The following XPA variants were observed in gnomAD, a reference collection of about 807,000 sequenced individuals.
XPA encodes the protein XPA, DNA damage recognition and repair factor, also known as DNA repair protein complementing XP-A cells.
In XPA, 27 loss-of-function variants were observed where a neutral mutation model predicts 35.7. The observed-to-expected ratio is 0.76, with a 90% CI of 0.56 to 1.04. XPA has a LOEUF of 1.04. Ranked by LOEUF, XPA falls within the 50% of genes least tolerant of loss-of-function variation. The pLI is 0.00. For synonymous variants in XPA, 133 were observed against 118.4 expected, an observed-to-expected ratio of 1.12 and a Z score of -0.80; for missense variants, 354 against 342.7, an observed-to-expected ratio of 1.03 and a Z score of -0.26.
chr9:97,663,217 CT>C, the XPA span, among the ~76,000 whole-genome samples: 1 of 152,090 alleles, frequency 6.6e-6, no homozygotes, highest in South Asian at 2.1e-4. Context: ...TTCATTCATT[CT>C]TGAAAGAGTA....
At chr9:97,684,339 G>T (rs192623971) in intron 5 of XPA, among the ~76,000 whole-genome samples, 231 of 152,314 alleles carry the variant, frequency 1.5e-3, no homozygotes, top group Non-Finnish European at 2.6e-3. Context: ...GCGATAGATG[G>T]ACAAGGGAAT....
chr9:97,656,728 G>T, the XPA span, among the ~76,000 whole-genome samples: 1 of 151,922 alleles, frequency 6.6e-6, no homozygotes, highest in African/African-American at 2.4e-5. Flanking sequence ...GACCCATTAC[G>T]TTGGTTTTCC....
the XPA span, chr9:97,663,093 T>C: frequency 7.0e-7 from 1 of 1,424,776 alleles, no homozygotes; most frequent in Admixed American, 2.0e-5. Flanking sequence ...ATTGTATGGG[T>C]ATAAAAATAA....
the XPA span, among the ~76,000 whole-genome samples, chr9:97,665,363 G>A: frequency 2.0e-5 from 3 of 152,310 alleles, no homozygotes; most frequent in South Asian, 2.1e-4. Context: ...CCGCATCACC[G>A]TAGAGAAGGT....
At chr9:97,667,688 C>T in the XPA span, among the ~76,000 whole-genome samples, 1 of 152,212 alleles carries the variant, frequency 6.6e-6, no homozygotes, top group South Asian at 2.1e-4. Context: ...TCATGCCACA[C>T]TGTTTCTAGA....
At chr9:97,668,772 ATGCTTCCCCTGG>A in the XPA span, 1 of 1,506,896 alleles carries the variant, frequency 6.6e-7, no homozygotes, top group East Asian at 2.4e-5. Flanking sequence ...ACACAGTAAA[ATGCTTCCCCTGG>A]AGGAGATTTA....
chr9:97,657,291 T>C, the XPA span, among the ~76,000 whole-genome samples: 1 of 152,188 alleles, frequency 6.6e-6, no homozygotes, highest in Non-Finnish European at 1.5e-5. Context: ...TCCAGGTACA[T>C]ATATAGTGTT....
intron 5 of XPA, among the ~76,000 whole-genome samples, chr9:97,677,369 G>A (rs999321106): frequency 3.3e-5 from 5 of 152,050 alleles, no homozygotes; most frequent in African/African-American, 1.2e-4. Context: ...GACATTCCTA[G>A]AAAAACTTGT....
intron 1 of XPA, 126 bp downstream of exon 1, chr9:97,696,995 G>T: frequency 7.9e-7 from 1 of 1,261,640 alleles, no homozygotes; most frequent in Non-Finnish European, 1.1e-6. Flanking sequence ...GACTCGGGGA[G>T]AATCTGCACA....
At chr9:97,695,337 C>T (rs1012166728) in intron 1 of XPA, among the ~76,000 whole-genome samples, 10 of 152,198 alleles carry the variant, frequency 6.6e-5, no homozygotes, top group Admixed American at 6.5e-4. Flanking sequence ...CTGTTAACAG[C>T]AATTCTCACA....
chr9:97,689,529 A>C lies in XPA; in HGVS notation c.389+5T>G, dbSNP rs1171328653. ...GCAATTAAGAACACCATCTAAAATA[A>C]GTACCTGCAGTTATCACAAGTTGGC... On this transcript the variant is annotated splice_donor_5th_base_variant and intron_variant, in intron 3 of 5. Transcript: ENST00000375128. 6.3e-7 allele frequency: 1 copy of C among 1,579,690 alleles called. No homozygotes were observed. Among genetic ancestry groups the C allele is most frequent in the East Asian group, 2.2e-5 (1 of 44,598 alleles).
chr9:97,673,471 C>A (rs1208563161), downstream of XPA: 1 of 152,160 alleles, frequency 6.6e-6, no homozygotes, highest in African/African-American at 2.4e-5. Flanking sequence ...AATTTCTTTT[C>A]TCTTGGTCCT....
chr9:97,681,750 T>A (rs2401635), intron 5 of XPA, among the ~76,000 whole-genome samples: 17,967 of 152,156 alleles, frequency 0.12, 3,014 homozygotes, highest in African/African-American at 0.37. Context: ...CATTTCTATA[T>A]TCTGTAACTG....
At chr9:97,686,610 G>A in intron 4 of XPA, among the ~76,000 whole-genome samples, 1 of 152,006 alleles carries the variant, frequency 6.6e-6, no homozygotes, top group East Asian at 1.9e-4. Context: ...ATAGCAACAG[G>A]TTTCTTTCAA....
chr9:97,690,212 ACTT>A (rs1828843285), intron 2 of XPA, among the ~76,000 whole-genome samples: 1 of 151,676 alleles, frequency 6.6e-6, no homozygotes, highest in African/African-American at 2.4e-5. Flanking sequence ...TTCCTCTTCT[ACTT>A]TTTTTGTTTT....
At chr9:97,660,197 C>CT in the XPA span, among the ~76,000 whole-genome samples, 1 of 152,258 alleles carries the variant, frequency 6.6e-6, no homozygotes, top group East Asian at 1.9e-4. Context: ...TATGACTGTC[C>CT]TCACATGACT....
At position 97,680,361 on chromosome 9, in the gene XPA, A is replaced by G. The variant is rs564839890; in HGVS notation, c.673+4562T>C. ...GTAGCTGGGACTACAGGCACACACC[A>G]TCATGCCCAGCTAATTTTTGTATTT... On this transcript the variant is annotated intron_variant, in intron 5 of 5. Coordinates refer to ENST00000375128, the MANE Select transcript of XPA (RefSeq NM_000380.4). Among the ~76,000 whole-genome samples, 7 of 152,218 alleles carry G rather than the reference A, an allele frequency of 4.6e-5. No homozygotes were observed. The South Asian group carries it at 1.5e-3, about 32-fold the overall frequency.
intron 5 of XPA, among the ~76,000 whole-genome samples, chr9:97,683,937 T>C (rs1828625046): frequency 6.6e-6 from 1 of 152,244 alleles, no homozygotes; most frequent in Admixed American, 6.5e-5. Context: ...TGAATTAATT[T>C]AGTATATATA....
chr9:97,676,749 A>G (rs1828377890), intron 5 of XPA, among the ~76,000 whole-genome samples: 1 of 152,200 alleles, frequency 6.6e-6, no homozygotes, highest in Non-Finnish European at 1.5e-5. Context: ...AGAAGTTATA[A>G]GTTGCTCAAG....
Sources: gnomAD v4.1 joint callset for allele counts (sites outside exome capture counted in the v4.1 genomes callset) on GRCh38, gnomAD v4.1.1 for gene constraint, MANE v1.5 for transcripts, NCBI Gene and HGNC (gene_info 2026-07-23, HGNC 2026-07-21) for gene names.